The following CTPS2 variants were observed in gnomAD, a reference collection of about 807,000 sequenced individuals.
CTPS2 encodes the protein CTP synthase 2, also known as CTP synthase II.
CTPS2 carries 19 observed loss-of-function variants against 46.8 expected under a neutral mutation model. That is an observed-to-expected ratio of 0.41 (90% CI 0.28 to 0.60). CTPS2 has a LOEUF of 0.60. Ranked by LOEUF, CTPS2 falls within the 20% of genes least tolerant of loss-of-function variation. The pLI, the probability that CTPS2 is intolerant of heterozygous loss-of-function variation, is 0.35. For synonymous variants in CTPS2, 151 were observed against 165.2 expected (o/e 0.91, Z 0.66); for missense variants, 286 against 447.6 (o/e 0.64, Z 3.26).
chrX:16,639,413 C>G (rs1157260443), intron 13 of CTPS2, among the ~76,000 whole-genome samples, 170 bp from the exon 14 acceptor site: 2 of 111,607 alleles, frequency 1.8e-5, no homozygotes, highest in South Asian at 7.6e-4. Flanking sequence ...CATAGACACA[C>G]TGCACATTGT....
chrX:16,661,869 GTCTTCAGGGTGTAATA>G (rs1932963417), intron 13 of CTPS2, among the ~76,000 whole-genome samples: 1 of 110,715 alleles, frequency 9.0e-6, no homozygotes, highest in Non-Finnish European at 1.9e-5. Flanking sequence ...CATGAATTCT[GTCTTCAGGGTGTAATA>G]TCTTATGTAA....
chrX:16,643,121 A>T (rs1260693627), intron 13 of CTPS2, among the ~76,000 whole-genome samples: 4 of 112,122 alleles, frequency 3.6e-5, no homozygotes, highest in Non-Finnish European at 7.5e-5. Context: ...TGCAGCCCAT[A>T]ATAAAAGTGT....
intron 10 of CTPS2, among the ~76,000 whole-genome samples, chrX:16,676,277 C>T (rs1922263240): frequency 9.0e-6 from 1 of 111,508 alleles, no homozygotes; most frequent in Non-Finnish European, 1.9e-5. Context: ...AGCCTCATAC[C>T]TTGTCTACAC....
At chrX:16,708,745 ACT>A (rs1181352760) in intron 1 of CTPS2, among the ~76,000 whole-genome samples, 1 of 111,199 alleles carries the variant, frequency 9.0e-6, no homozygotes, top group Admixed American at 9.7e-5. Context: ...TGTTCAAATG[ACT>A]CTCTTTGTAA....
chrX:16,601,578 G>C (rs968006682), intron 17 of CTPS2, among the ~76,000 whole-genome samples: 3 of 103,292 alleles, frequency 2.9e-5, no homozygotes, highest in South Asian at 4.9e-4. Flanking sequence ...CCATCGGGGG[G>C]GGGGGGGTTT....
intron 13 of CTPS2, among the ~76,000 whole-genome samples, chrX:16,645,107 T>C (rs980985265): frequency 5.4e-5 from 6 of 110,623 alleles, no homozygotes; most frequent in Non-Finnish European, 1.1e-4. Flanking sequence ...CTCAGCCTCC[T>C]GAGTAGCTGG....
chrX:16,644,903 T>C (rs1658052718), intron 13 of CTPS2, among the ~76,000 whole-genome samples: 1 of 112,929 alleles, frequency 8.9e-6, no homozygotes, highest in South Asian at 3.6e-4. Context: ...TTAGATCTTT[T>C]TATTTTCCAT....
chrX:16,592,019 C>T (rs1928928095), intron 17 of CTPS2, among the ~76,000 whole-genome samples: 1 of 111,332 alleles, frequency 9.0e-6, no homozygotes, highest in Admixed American at 9.5e-5. Context: ...TCTTCATTTC[C>T]TTATGAAGGT....
rs151240507 is a variant in CTPS2, at chrX:16,609,606, C to G, written c.1626G>C (p.Gly542=). ...GGTTCCCAGTTGCTGCAAGTAACAGCCCCAGATACGGAGGGGAAGGCTTCA... is the reference window on the plus strand; with the variant it reads ...GGTTCCCAGTTGCTGCAAGTAACAGGCCCAGATACGGAGGGGAAGGCTTCA... ...RPMKPSPPYL[G]LLLAATGNLN... is the part of the protein sequence containing the mutation. Residue 542 remains glycine, a synonymous_variant, in exon 17 of 19, where the codon GGG becomes GGC. Transcript: ENST00000359276. 367 of 1,209,204 alleles carry G rather than the reference C, an allele frequency of 3.0e-4. No homozygotes were observed. In the African/African-American group the frequency reaches 5.6e-3, roughly 18 times the overall value.
chrX:16,688,062 C>G (rs1023162234), intron 8 of CTPS2, among the ~76,000 whole-genome samples: 1 of 111,198 alleles, frequency 9.0e-6, no homozygotes, highest in Non-Finnish European at 1.9e-5. Flanking sequence ...TACTGGCGCT[C>G]ACCTAAGCTG....
In CTPS2 at chrX:16,712,423, G is replaced by A. The variant is rs1189681922; in HGVS notation, c.-128C>T. ...TGGCCTGGCGCTCACCTGTCGGGCT[G>A]GGGAAGGGGTCGCTGCCGGGGCTGT... On this transcript the variant is annotated 5_prime_UTR_variant, in exon 1 of 19. Transcript: ENST00000359276. 8.9e-6 allele frequency: 1 copy of A among 112,405 alleles called. No homozygotes were observed. The highest frequency in any genetic ancestry group is 3.2e-5 in the African/African-American group (1 of 30,966). 9.3% of individuals were successfully genotyped at this position (112,405 alleles called of 1,213,427 possible). A position where few individuals can be genotyped will look rare whatever the true frequency, so the allele number is the denominator to read the frequency against.
rs754682078 is a variant in CTPS2, at chrX:16,631,370, T to C, written c.1393+7777A>G. Among the ~76,000 whole-genome samples the C allele has an allele frequency of 3.2e-3, 345 of 108,363 alleles. 5 individuals are homozygous for C. Among genetic ancestry groups the C allele is most frequent in the African/African-American group, 0.011 (335 of 29,765 alleles). 94.1% of individuals were successfully genotyped at this position (108,363 alleles called of 115,157 possible). On this transcript the variant is annotated intron_variant, in intron 14 of 18. Coordinates refer to ENST00000359276, the MANE Select transcript of CTPS2 (RefSeq NM_175859.3). ...CTCAAAAAAAAAAAAAAATTAGAAA[T>C]TAGCCAGGCGTGGTGGCATGTGGCT... is the stretch of plus-strand genomic sequence containing the variant.
At position 16,699,005 on chromosome X, in the gene CTPS2, G is replaced by T; in HGVS notation, c.255C>A (p.Asp85Glu). ...ERFLDINLYK[D>E]NNITTGKIYQ... ...ATATCTTCCCCGTGGTGATATTGTTGTCTTTATAAAGATTAATATCCAAAA... is the reference window on the plus strand; with the variant it reads ...ATATCTTCCCCGTGGTGATATTGTTTTCTTTATAAAGATTAATATCCAAAA... The change falls in exon 3 of 19, where the codon GAC (aspartate) becomes GAA (glutamate). Residue 85 changes from aspartate to glutamate, a missense_variant. By Grantham distance (45) the Asp-to-Glu change is conservative. Coordinates refer to ENST00000359276, the MANE Select transcript of CTPS2 (RefSeq NM_175859.3). 1 of 1,192,856 alleles carries T rather than the reference G, an allele frequency of 8.4e-7. No homozygotes were observed. Among genetic ancestry groups the T allele is most frequent in the Non-Finnish European group, 1.1e-6 (1 of 883,766 alleles).
rs948030040 is a variant in CTPS2, at chrX:16,668,335, G to A, written c.1190-611C>T. Among the ~76,000 whole-genome samples the A allele has an allele frequency of 2.9e-4, 31 of 106,302 alleles. 1 individual carries two copies. The South Asian group carries it at 5.2e-3, about 18-fold the overall frequency. 92.3% of individuals were successfully genotyped at this position (106,302 alleles called of 115,157 possible). Reference sequence around the variant, plus strand: ...CACACTTGTAATCCCAGCGCTTTGGGAGGCTGAGTTGGGCGGATCACGAGG... The same window carrying A: ...CACACTTGTAATCCCAGCGCTTTGGAAGGCTGAGTTGGGCGGATCACGAGG... On this transcript the variant is annotated intron_variant, in intron 11 of 18. Transcript: ENST00000359276.
rs72616016 is a variant in CTPS2, at chrX:16,601,623, C to T, written c.1691+7918G>A. ...AATAATGTGGGGAGATCATTCCAACCGCAGAAGACGGATTGGGAGGAAGCA... is the reference window on the plus strand; with the variant it reads ...AATAATGTGGGGAGATCATTCCAACTGCAGAAGACGGATTGGGAGGAAGCA... On this transcript the variant is annotated intron_variant, in intron 17 of 18. Transcript: ENST00000359276. Among the ~76,000 whole-genome samples, 31 of 108,801 alleles carry T rather than the reference C, an allele frequency of 2.8e-4. No individual in the cohort carries two copies. The East Asian group carries it at 6.1e-3, about 21-fold the overall frequency. 94.5% of individuals were successfully genotyped at this position (108,801 alleles called of 115,157 possible). A position where few individuals can be genotyped will look rare whatever the true frequency, so the allele number is the denominator to read the frequency against.
chrX:16,710,591 A>C (rs751166816), intron 1 of CTPS2, among the ~76,000 whole-genome samples: 2 of 111,799 alleles, frequency 1.8e-5, no homozygotes, highest in African/African-American at 6.5e-5. Context: ...ACTTAATACC[A>C]AGGGGACACC....
intron 16 of CTPS2, among the ~76,000 whole-genome samples, chrX:16,610,229 A>C (rs1162271750): frequency 8.0e-5 from 9 of 111,819 alleles, no homozygotes; most frequent in Non-Finnish European, 1.7e-4. Flanking sequence ...GCATTTTTTG[A>C]ACAAAGTGAT....
intron 13 of CTPS2, among the ~76,000 whole-genome samples, chrX:16,642,991 G>A (rs1487566624): frequency 2.7e-5 from 3 of 111,733 alleles, no homozygotes; most frequent in Non-Finnish European, 5.6e-5. Flanking sequence ...TCCTCTCTTG[G>A]AACTGAGCCA....
intron 2 of CTPS2, among the ~76,000 whole-genome samples, chrX:16,700,937 A>G (rs1463378606): frequency 8.9e-6 from 1 of 111,872 alleles, no homozygotes; most frequent in Non-Finnish European, 1.9e-5. Context: ...AAATAGAGTG[A>G]CCAACCTGCT....
Sources: allele counts gnomAD v4.1 joint callset (sites outside exome capture counted in the v4.1 genomes callset), GRCh38; gene constraint gnomAD v4.1.1; transcripts MANE v1.5; gene names NCBI Gene and HGNC (gene_info 2026-07-23, HGNC 2026-07-21).